The following PREX1 variants were observed in gnomAD, a reference collection of about 807,000 sequenced individuals.
PREX1 encodes phosphatidylinositol 3,4,5-trisphosphate-dependent Rac exchanger 1 protein.
In PREX1, 41 loss-of-function variants were observed where a neutral mutation model predicts 198.3. The observed-to-expected ratio is 0.21, with a 90% confidence interval of 0.16 to 0.27. The LOEUF is 0.27. PREX1 is among the 10% of genes least tolerant of loss of function. The pLI is 1.00. For synonymous variants in PREX1, 843 were observed against 887.2 expected (o/e 0.95, Z 0.89); for missense variants, 1,620 against 2,200.7 (o/e 0.74, Z 5.28).
the PREX1 span, among the ~76,000 whole-genome samples, chr20:48,870,239 T>G: frequency 6.6e-6 from 1 of 152,298 alleles, no homozygotes; most frequent in African/African-American, 2.4e-5. Flanking sequence ...ACCTTATTGT[T>G]TTAATACTGA....
intron 15 of PREX1, among the ~76,000 whole-genome samples, chr20:48,664,703 CT>C (rs2089622702): frequency 6.6e-6 from 1 of 152,278 alleles, no homozygotes; most frequent in Admixed American, 6.5e-5. Flanking sequence ...TGTGCAGCCT[CT>C]AAACCCGCAC....
chr20:48,883,811 C>G, the PREX1 span, among the ~76,000 whole-genome samples: 1 of 151,964 alleles, frequency 6.6e-6, no homozygotes, highest in African/African-American at 2.4e-5. Flanking sequence ...CAATACTCCC[C>G]AAACTAATCT....
At chr20:48,879,476 C>A in the PREX1 span, among the ~76,000 whole-genome samples, 1 of 152,224 alleles carries the variant, frequency 6.6e-6, no homozygotes, top group Non-Finnish European at 1.5e-5. Context: ...ATGCACCCAA[C>A]TCGTCTGTTG....
the PREX1 span, among the ~76,000 whole-genome samples, chr20:48,862,807 A>ATATATATATATGTGTGTGTG: frequency 2.4e-5 from 3 of 126,712 alleles, no homozygotes; most frequent in Non-Finnish European, 4.9e-5. Context: ...ATATATATAT[A>ATATATATATATGTGTGTGTG]TATATACTAA....
At chr20:48,819,176 A>G (rs1216861819) in intron 1 of PREX1, among the ~76,000 whole-genome samples, 1 of 152,072 alleles carries the variant, frequency 6.6e-6, no homozygotes, top group African/African-American at 2.4e-5. Flanking sequence ...GTGGCTCCTC[A>G]CACCACCAGA....
the PREX1 span, among the ~76,000 whole-genome samples, chr20:48,833,884 C>A: frequency 3.3e-5 from 5 of 152,202 alleles, no homozygotes; most frequent in African/African-American, 9.6e-5. Context: ...GAAATTGAGA[C>A]CATCCTGGCT....
chr20:48,717,628 T>C (rs2089968269), intron 5 of PREX1, among the ~76,000 whole-genome samples: 2 of 152,158 alleles, frequency 1.3e-5, no homozygotes, highest in Admixed American at 1.3e-4. Flanking sequence ...GCAAATCATA[T>C]GCAGACTTCA....
intron 5 of PREX1, among the ~76,000 whole-genome samples, chr20:48,710,020 G>A (rs1265195614): frequency 5.3e-5 from 8 of 152,172 alleles, no homozygotes; most frequent in African/African-American, 1.7e-4. Flanking sequence ...ACGCACCCAG[G>A]CAATGTGCCC....
intron 33 of PREX1, among the ~76,000 whole-genome samples, chr20:48,633,961 TGGATGGATGGAC>T (rs1048929951): frequency 2.6e-5 from 4 of 152,246 alleles, no homozygotes; most frequent in African/African-American, 9.6e-5. Flanking sequence ...TGTAAATAGA[TGGATGGATGGAC>T]GGATGGATGA....
At chr20:48,756,460 A>T (rs1458011415) in intron 1 of PREX1, among the ~76,000 whole-genome samples, 1 of 142,036 alleles carries the variant, frequency 7.0e-6, no homozygotes, top group Non-Finnish European at 1.6e-5. Flanking sequence ...GAGGACTGGG[A>T]AGAGATAGCT....
chr20:48,633,171 C>A (rs2089329505), intron 33 of PREX1, among the ~76,000 whole-genome samples: 1 of 152,176 alleles, frequency 6.6e-6, no homozygotes, highest in South Asian at 2.1e-4. Context: ...TCTGCCCGAG[C>A]CAATCTCAGC....
intron 29 of PREX1, among the ~76,000 whole-genome samples, chr20:48,640,357 G>A (rs2089399959): frequency 6.6e-6 from 1 of 152,216 alleles, no homozygotes; most frequent in Non-Finnish European, 1.5e-5. Context: ...CATGCAACTG[G>A]GCAGTGACAG....
chr20:48,654,375 G>C (rs972933826), intron 19 of PREX1, among the ~76,000 whole-genome samples: 2 of 152,164 alleles, frequency 1.3e-5, no homozygotes, highest in African/African-American at 4.8e-5. Context: ...CAGATGTTCT[G>C]AGGCAGGATT....
chr20:48,785,354 G>T (rs929907909), intron 1 of PREX1, among the ~76,000 whole-genome samples: 2 of 152,232 alleles, frequency 1.3e-5, no homozygotes, highest in Non-Finnish European at 2.9e-5. Context: ...ACCTGTGATG[G>T]GTGGCAGCCA....
At chr20:48,769,753 G>T (rs3091617) in intron 1 of PREX1, among the ~76,000 whole-genome samples, 11,012 of 152,214 alleles carry the variant, frequency 0.072, 502 homozygotes, top group South Asian at 0.19. Context: ...CACCTCCTCA[G>T]TGAAGCCTGC....
At chr20:48,717,253 A>G (rs564163417) in intron 5 of PREX1, among the ~76,000 whole-genome samples, 6 of 151,742 alleles carry the variant, frequency 4.0e-5, no homozygotes, top group Non-Finnish European at 7.4e-5. Context: ...TGGTGTCACC[A>G]ACAGGGTCTG....
chr20:48,827,925 G>A lies in PREX1; in HGVS notation c.-65C>T. ...CGAGCGGCAACTCAGGCGTCCAGGC[G>A]CCCCATCCCGGACGGGGCGCGCCGG... On this transcript the variant is annotated 5_prime_UTR_variant, in exon 1 of 40. Coordinates refer to ENST00000371941, the MANE Select transcript of PREX1 (RefSeq NM_020820.4). This position sits in a 1 kb window ranked among gnomAD's most constrained non-coding sequence, Gnocchi z 4.1. The A allele has an allele frequency of 1.5e-6, 1 of 683,266 alleles. No homozygotes were observed. Among genetic ancestry groups the A allele is most frequent in the Non-Finnish European group, 1.8e-6 (1 of 557,736 alleles). 42.3% of individuals were successfully genotyped at this position (683,266 alleles called of 1,614,324 possible).
the PREX1 span, among the ~76,000 whole-genome samples, chr20:48,863,025 A>G: frequency 4.6e-5 from 7 of 151,824 alleles, no homozygotes; most frequent in Admixed American, 2.6e-4. Flanking sequence ...ATGGGGTCAC[A>G]CCAGGTTGCC....
At position 48,734,841 on chromosome 20, in the gene PREX1, G is replaced by T. The variant is rs565975987; in HGVS notation, c.415-191C>A. Among the ~76,000 whole-genome samples the T allele has an allele frequency of 4.6e-5, 7 of 152,292 alleles. 1 individual carries two copies. In the East Asian group the frequency reaches 1.4e-3, roughly 29 times the overall value. ...TTCCCAGCCTCCACTCTTGCCCCAGGTCTGCACTCAGGGGCCTGAATAACT... is the reference window on the plus strand; with the variant it reads ...TTCCCAGCCTCCACTCTTGCCCCAGTTCTGCACTCAGGGGCCTGAATAACT... On this transcript the variant is annotated intron_variant, in intron 3 of 39. Coordinates refer to ENST00000371941, the MANE Select transcript of PREX1 (RefSeq NM_020820.4).
Sources: allele counts gnomAD v4.1 joint callset (sites outside exome capture counted in the v4.1 genomes callset), GRCh38; gene constraint gnomAD v4.1.1; non-coding constraint Gnocchi (gnomAD v3.1); transcripts MANE v1.5; gene names NCBI Gene and HGNC (gene_info 2026-07-23, HGNC 2026-07-21).